The following LDLRAD4 variants were observed in gnomAD, a reference collection of about 807,000 sequenced individuals.
LDLRAD4 encodes the protein low-density lipoprotein receptor class A domain-containing protein 4.
LDLRAD4 carries 5 observed loss-of-function variants against 17.0 expected under a neutral mutation model. The observed-to-expected ratio is 0.29, with a 90% CI of 0.15 to 0.62. LDLRAD4 has a LOEUF of 0.62. Ranked by LOEUF, LDLRAD4 falls within the 20% of genes least tolerant of loss-of-function variation. The pLI is 0.84. For synonymous variants in LDLRAD4, 168 were observed against 171.8 expected, an observed-to-expected ratio of 0.98 and a Z score of 0.17; for missense variants, 340 against 424.7, an observed-to-expected ratio of 0.80 and a Z score of 1.75.
At chr18:13,380,916 C>G (rs374344427) in intron 1 of LDLRAD4, among the ~76,000 whole-genome samples, 5 of 152,112 alleles carry the variant, frequency 3.3e-5, no homozygotes, top group East Asian at 3.8e-4. Context: ...TTTGCCCCCC[C>G]ACATCACAGA....
intron 1 of LDLRAD4, among the ~76,000 whole-genome samples, chr18:13,326,542 T>C (rs895756735): frequency 2.6e-5 from 4 of 152,204 alleles, no homozygotes; most frequent in African/African-American, 7.2e-5. Context: ...TAGAATCAGA[T>C]TGTAGACGTG....
chr18:13,636,378 G>A (rs1195301829), intron 4 of LDLRAD4, among the ~76,000 whole-genome samples: 3 of 149,282 alleles, frequency 2.0e-5, no homozygotes, highest in African/African-American at 7.4e-5. Flanking sequence ...AACACATGTT[G>A]TTCAACGGTC....
At chr18:13,490,293 T>C (rs1232996569) in intron 3 of LDLRAD4, 1 of 152,178 alleles carries the variant, frequency 6.6e-6, no homozygotes, top group Non-Finnish European at 1.5e-5. Flanking sequence ...ACATTTTAAG[T>C]GACAATATGA....
At chr18:13,503,488 A>C (rs1303071937) in intron 3 of LDLRAD4, among the ~76,000 whole-genome samples, 1 of 152,002 alleles carries the variant, frequency 6.6e-6, no homozygotes, top group Non-Finnish European at 1.5e-5. Context: ...AATCTTCTGT[A>C]TTTTTCTATT....
intron 2 of LDLRAD4, among the ~76,000 whole-genome samples, chr18:13,389,270 A>G (rs991653423): frequency 2.0e-5 from 3 of 150,890 alleles, no homozygotes. Context: ...AGGGATGGGC[A>G]GCTCCCTCAT....
intron 1 of LDLRAD4, among the ~76,000 whole-genome samples, chr18:13,259,828 G>C (rs925604959): frequency 6.6e-6 from 1 of 152,164 alleles, no homozygotes; most frequent in Non-Finnish European, 1.5e-5. Flanking sequence ...TTGCTTGGCT[G>C]TACCTGTAAT....
chr18:13,400,718 A>G (rs2087107277), intron 2 of LDLRAD4, among the ~76,000 whole-genome samples: 1 of 152,196 alleles, frequency 6.6e-6, no homozygotes, highest in South Asian at 2.1e-4. Flanking sequence ...TTCTTTCAAA[A>G]TGCTTTGACC....
Position 13,265,682 on chromosome 18 carries a change from G to T in LDLRAD4, c.-466-12423G>T, listed in dbSNP as rs376145491. ...GACTGTCCTCCCCAGGCACGTTTCC[G>T]AGGACTTGTCACTCAGTCACACCTG... On this transcript the variant is annotated intron_variant, in intron 1 of 5. Transcript: ENST00000399848. Among the ~76,000 whole-genome samples, 8 of 152,250 alleles carry T rather than the reference G, an allele frequency of 5.3e-5. No homozygotes were observed. In the East Asian group the frequency reaches 1.5e-3, roughly 29 times the overall value.
At chr18:13,406,421 C>A (rs935961804) in intron 2 of LDLRAD4, among the ~76,000 whole-genome samples, 1 of 152,162 alleles carries the variant, frequency 6.6e-6, no homozygotes, top group Non-Finnish European at 1.5e-5. Flanking sequence ...GCTCCCTGGG[C>A]ATTTTCTTTG....
chr18:13,406,345 G>A (rs1311766103), intron 2 of LDLRAD4, among the ~76,000 whole-genome samples: 1 of 152,172 alleles, frequency 6.6e-6, no homozygotes, highest in Non-Finnish European at 1.5e-5. Context: ...GCAAGTCCTA[G>A]AAATGACAGT....
intron 3 of LDLRAD4, among the ~76,000 whole-genome samples, chr18:13,473,162 G>A (rs1421059022): frequency 1.4e-5 from 2 of 141,436 alleles, no homozygotes; most frequent in Non-Finnish European, 3.0e-5. Context: ...ATAACCTAAA[G>A]ATCATACATC....
intron 2 of LDLRAD4, among the ~76,000 whole-genome samples, chr18:13,406,105 C>A (rs2087720719): frequency 6.6e-6 from 1 of 152,228 alleles, no homozygotes; most frequent in South Asian, 2.1e-4. Context: ...GCTGGGCACC[C>A]ATGCTGGCAG....
Position 13,621,603 on chromosome 18 carries a change from C to T in LDLRAD4, c.336+332C>T, listed in dbSNP as rs1314192188. Among the ~76,000 whole-genome samples the T allele has an allele frequency of 6.6e-6, 1 of 152,216 alleles. No homozygotes were observed. Among genetic ancestry groups the T allele is most frequent in the Non-Finnish European group, 1.5e-5 (1 of 68,028 alleles). On this transcript the variant is annotated intron_variant, in intron 4 of 5. Coordinates refer to ENST00000359446, the Ensembl canonical transcript of LDLRAD4. The surrounding 1 kb of genome is among the most constrained non-coding windows in gnomAD (Gnocchi z 5.5). ...GGGTGGTCCCTCGTGCCTGGCTCCT[C>T]TGGCTTGGCAGTGCACTTGTGAGAT...
intron 4 of LDLRAD4, among the ~76,000 whole-genome samples, chr18:13,631,914 G>A (rs67631021): frequency 0.38 from 58,527 of 152,070 alleles, 13,816 homozygotes; most frequent in Middle Eastern, 0.55. Context: ...AAGACAGAGC[G>A]AGACTCTGTC....
At chr18:13,501,639 T>C (rs1430939939) in intron 3 of LDLRAD4, among the ~76,000 whole-genome samples, 2 of 151,404 alleles carry the variant, frequency 1.3e-5, no homozygotes, top group Admixed American at 1.3e-4. Context: ...GCCAGCCAGG[T>C]GGGTGGGTAT....
At chr18:13,581,597 A>T (rs1220651274) in intron 3 of LDLRAD4, among the ~76,000 whole-genome samples, 1 of 152,004 alleles carries the variant, frequency 6.6e-6, no homozygotes, top group Non-Finnish European at 1.5e-5. Context: ...TCTACCATTC[A>T]TTTTCTATTC....
chr18:13,263,903 TA>T (rs1229357627), intron 1 of LDLRAD4, among the ~76,000 whole-genome samples: 1 of 152,166 alleles, frequency 6.6e-6, no homozygotes, highest in Non-Finnish European at 1.5e-5. Context: ...TTTCATTTCA[TA>T]AAGTACAATC....
At chr18:13,307,173 A>G (rs1400175949) in intron 1 of LDLRAD4, among the ~76,000 whole-genome samples, 1 of 152,190 alleles carries the variant, frequency 6.6e-6, no homozygotes, top group Non-Finnish European at 1.5e-5. Context: ...AAAAAGGCAG[A>G]TGGAAATTGC....
chr18:13,626,972 A>G (rs1455566602), intron 4 of LDLRAD4, among the ~76,000 whole-genome samples: 2 of 152,230 alleles, frequency 1.3e-5, no homozygotes, highest in Non-Finnish European at 2.9e-5. Flanking sequence ...AAGTTGATCT[A>G]GCTTTTAAAA....
Sources: gnomAD v4.1 joint callset for allele counts (sites outside exome capture counted in the v4.1 genomes callset) on GRCh38, gnomAD v4.1.1 for gene constraint, Gnocchi (gnomAD v3.1) non-coding constraint, MANE v1.5 for transcripts, NCBI Gene and HGNC (gene_info 2026-07-23, HGNC 2026-07-21) for gene names.